The following AUTS2 variants were observed in gnomAD, a reference collection of about 807,000 sequenced individuals.
AUTS2 encodes the protein activator of transcription and developmental regulator AUTS2, also known as autism susceptibility gene 2 protein.
A neutral mutation model predicts 112.4 loss-of-function variants in AUTS2; 17 were observed. The ratio of observed to expected loss-of-function variants is 0.15; its 90% CI spans 0.10 to 0.23. AUTS2 has a LOEUF of 0.23. Among genes scored for constraint, AUTS2 ranks in the 10% least tolerant of loss-of-function variants. The pLI is 1.00. For missense variants in AUTS2, 1,510 were observed against 1,701.6 expected, an observed-to-expected ratio of 0.89 and a Z score of 1.98; for synonymous variants, 751 against 702.7, an observed-to-expected ratio of 1.07 and a Z score of -1.09.
intron 4 of AUTS2, among the ~76,000 whole-genome samples, chr7:70,338,833 C>CTTTAT (rs71077651): frequency 0.11 from 15,028 of 141,024 alleles, 857 homozygotes; most frequent in Middle Eastern, 0.15. Flanking sequence ...AGCCTCATCT[C>CTTTAT]TTATTTATTT....
At chr7:70,085,369 CTT>C (rs200850139) in intron 2 of AUTS2, among the ~76,000 whole-genome samples, 16 of 142,180 alleles carry the variant, frequency 1.1e-4, no homozygotes, top group East Asian at 4.1e-4. Context: ...TTTTTGCATA[CTT>C]TTTTTTTTTT....
intron 10 of AUTS2, among the ~76,000 whole-genome samples, chr7:70,768,935 C>T (rs939357699): frequency 8.5e-5 from 12 of 141,060 alleles, no homozygotes; most frequent in African/African-American, 1.9e-4. Context: ...TGCTTGTAGC[C>T]GTGTTGATTC....
chr7:70,605,996 A>G (rs1803738698), intron 5 of AUTS2, among the ~76,000 whole-genome samples: 1 of 152,154 alleles, frequency 6.6e-6, no homozygotes, highest in South Asian at 2.1e-4. Flanking sequence ...GTGTAAAACA[A>G]CCTTAGGGTC....
intron 1 of AUTS2, among the ~76,000 whole-genome samples, chr7:69,681,108 C>T (rs750320081): frequency 6.6e-6 from 1 of 152,240 alleles, no homozygotes; most frequent in Non-Finnish European, 1.5e-5. Context: ...AGACTGAATA[C>T]TGTTCCATTG....
chr7:69,645,799 G>T (rs776903223), intron 1 of AUTS2, among the ~76,000 whole-genome samples: 4 of 151,946 alleles, frequency 2.6e-5, no homozygotes, highest in Non-Finnish European at 5.9e-5. Context: ...GGCTCCTGCT[G>T]TGTTACCTTA....
At chr7:70,658,653 C>A (rs2129542544) in intron 5 of AUTS2, among the ~76,000 whole-genome samples, 1 of 152,340 alleles carries the variant, frequency 6.6e-6, no homozygotes, top group East Asian at 1.9e-4. Flanking sequence ...TTAGGGCCAA[C>A]ACAAAGAATT....
chr7:69,680,580 A>G (rs552869123), intron 1 of AUTS2, among the ~76,000 whole-genome samples: 5 of 152,204 alleles, frequency 3.3e-5, no homozygotes, highest in East Asian at 3.8e-4. Flanking sequence ...ATGAAACTCT[A>G]TACCCCTTAA....
chr7:69,614,327 T>TCTTC (rs1793212468), intron 1 of AUTS2, among the ~76,000 whole-genome samples: 1 of 64,952 alleles, frequency 1.5e-5, no homozygotes. Context: ...TTTCTTTCTT[T>TCTTC]CTTTCTTTCT....
At chr7:70,301,346 A>C (rs1208774980) in intron 4 of AUTS2, among the ~76,000 whole-genome samples, 1 of 152,174 alleles carries the variant, frequency 6.6e-6, no homozygotes, top group Non-Finnish European at 1.5e-5. Flanking sequence ...GTGGTTTTAA[A>C]ACTTCAGACT....
intron 2 of AUTS2, among the ~76,000 whole-genome samples, chr7:69,904,665 GTTT>G (rs1277298459): frequency 1.3e-5 from 2 of 152,134 alleles, no homozygotes; most frequent in African/African-American, 4.8e-5. Context: ...AAAATTTCAA[GTTT>G]ACCATGTTAA....
intron 6 of AUTS2, among the ~76,000 whole-genome samples, chr7:70,727,225 G>A (rs1168927715): frequency 6.6e-6 from 1 of 152,140 alleles, no homozygotes; most frequent in Non-Finnish European, 1.5e-5. Context: ...GTGGGAACCT[G>A]CACATTCCTA....
chr7:70,732,587 C>A (rs1787486021), intron 6 of AUTS2, among the ~76,000 whole-genome samples: 3 of 152,234 alleles, frequency 2.0e-5, no homozygotes, highest in South Asian at 2.1e-4. Context: ...AGCATGAATT[C>A]TCCTTATCGT....
At chr7:69,752,148 T>C (rs963788111) in intron 1 of AUTS2, among the ~76,000 whole-genome samples, 5 of 152,220 alleles carry the variant, frequency 3.3e-5, no homozygotes, top group African/African-American at 1.2e-4. Context: ...GGTCTGGCAC[T>C]GGCTCCTAGA....
intron 1 of AUTS2, among the ~76,000 whole-genome samples, chr7:69,804,013 CAGAGTG>C (rs1325857273): frequency 6.6e-6 from 1 of 152,208 alleles, no homozygotes; most frequent in African/African-American, 2.4e-5. Context: ...GCCTGGGTGA[CAGAGTG>C]AGACTCTTGT....
chr7:69,954,683 A>G (rs570441394), intron 2 of AUTS2, among the ~76,000 whole-genome samples: 1 of 152,362 alleles, frequency 6.6e-6, no homozygotes, highest in South Asian at 2.1e-4. Flanking sequence ...TATTTTGTAC[A>G]TGGGAAAAGA....
At chr7:70,494,021 C>A (rs1281075814) in intron 5 of AUTS2, among the ~76,000 whole-genome samples, 10 of 152,210 alleles carry the variant, frequency 6.6e-5, no homozygotes, top group Admixed American at 6.5e-4. Flanking sequence ...GTTCAGCAAT[C>A]CCTGAGATTA....
chr7:69,783,859 A>G (rs771129853), intron 1 of AUTS2, among the ~76,000 whole-genome samples: 19 of 152,194 alleles, frequency 1.2e-4, no homozygotes, highest in Non-Finnish European at 2.6e-4. Context: ...ACATGTGCAG[A>G]CTGAGATGTC....
chr7:69,777,501 T>C (rs1196004088), intron 1 of AUTS2, among the ~76,000 whole-genome samples: 1 of 152,190 alleles, frequency 6.6e-6, no homozygotes, highest in Non-Finnish European at 1.5e-5. Flanking sequence ...TTCCTTTTTA[T>C]GTAGATCATT....
chr7:70,068,038 A>C (rs940768058), intron 2 of AUTS2, among the ~76,000 whole-genome samples: 7 of 152,226 alleles, frequency 4.6e-5, no homozygotes, highest in Non-Finnish European at 8.8e-5. Context: ...TAAAAAGTGT[A>C]ACATATAATA....
Sources: allele counts gnomAD v4.1 joint callset (sites outside exome capture counted in the v4.1 genomes callset), GRCh38; gene constraint gnomAD v4.1.1; transcripts MANE v1.5; gene names NCBI Gene and HGNC (gene_info 2026-07-23, HGNC 2026-07-21).